KMO: variants seen among roughly 807,000 people sequenced by gnomAD.
The protein encoded by KMO is kynurenine 3-hydroxylase.
KMO carries 24 observed loss-of-function variants against 57.8 expected under a neutral mutation model. That is an observed-to-expected ratio of 0.42 (90% confidence interval 0.30 to 0.58). KMO has a LOEUF of 0.58. KMO is among the 20% of genes least tolerant of loss of function. The pLI is 0.22. For missense variants in KMO, 483 were observed against 588.2 expected, an observed-to-expected ratio of 0.82 and a Z score of 1.85; for synonymous variants, 210 against 193.6, an observed-to-expected ratio of 1.08 and a Z score of -0.70.
chr1:241,536,932 T>C (rs1660774526), intron 1 of KMO, among the ~76,000 whole-genome samples: 1 of 152,172 alleles, frequency 6.6e-6, no homozygotes. Context: ...CAGCTATAGA[T>C]GTTAAATCCT....
intron 1 of KMO, among the ~76,000 whole-genome samples, chr1:241,534,936 T>C (rs1007254032): frequency 2.6e-5 from 4 of 152,018 alleles, no homozygotes; most frequent in Non-Finnish European, 5.9e-5. Flanking sequence ...GTTAATCTTA[T>C]CTACCAGTAT....
At chr1:241,591,513 G>A (rs1266082156) in intron 14 of KMO, among the ~76,000 whole-genome samples, 2 of 152,044 alleles carry the variant, frequency 1.3e-5, no homozygotes. Flanking sequence ...ACTGTTTACA[G>A]CTGGTGTTTA....
intron 1 of KMO, among the ~76,000 whole-genome samples, chr1:241,543,629 T>C (rs1661033998): frequency 6.6e-6 from 1 of 152,188 alleles, no homozygotes; most frequent in South Asian, 2.1e-4. Flanking sequence ...TTCTCCTGTG[T>C]ATATGCCTTT....
At chr1:241,534,947 C>T (rs1040043646) in intron 1 of KMO, among the ~76,000 whole-genome samples, 1 of 151,754 alleles carries the variant, frequency 6.6e-6, no homozygotes, top group Admixed American at 6.6e-5. Flanking sequence ...CTACCAGTAT[C>T]GGAAATTACA....
intron 13 of KMO, 30 bp downstream of exon 13, chr1:241,590,143 T>C (rs778329976): frequency 1.2e-6 from 2 of 1,608,728 alleles, no homozygotes; most frequent in African/African-American, 2.7e-5. Context: ...CTTTTCCTCA[T>C]TTTGATTTTC....
At chr1:241,581,769 G>T (rs1349059187) in intron 10 of KMO, among the ~76,000 whole-genome samples, 3 of 151,988 alleles carry the variant, frequency 2.0e-5, no homozygotes, top group African/African-American at 7.2e-5. Context: ...TGATAAATGT[G>T]TCTTTTGGTC....
chr1:241,538,630 T>C (rs1325545158), intron 1 of KMO, among the ~76,000 whole-genome samples: 1 of 152,162 alleles, frequency 6.6e-6, no homozygotes, highest in Non-Finnish European at 1.5e-5. Context: ...GACCTGGGTT[T>C]CAGTTTTCTA....
At chr1:241,589,976 G>A in intron 12 of KMO, 36 bp from the exon 13 acceptor site, 1 of 1,488,662 alleles carries the variant, frequency 6.7e-7, no homozygotes, top group Non-Finnish European at 9.4e-7. Context: ...AGCTGTATTT[G>A]TTCAAAAGCG....
chr1:241,562,396 T>G lies in KMO; in HGVS notation c.615+64T>G, dbSNP rs190638950. The G allele has an allele frequency of 2.3e-5, 34 of 1,491,270 alleles. No homozygotes were observed. In the African/African-American group the frequency reaches 2.3e-4, roughly 10 times the overall value. The allele number at this position is 1,491,270 out of a possible 1,614,324, so 92.4% of individuals were successfully genotyped here. ...TTGCTCCATGAGCGCGAATGCGTAT[T>G]CTAGTGCAGTGGTTCTCAGCAGCAT... On this transcript the variant is annotated intron_variant, in intron 7 of 14. Transcript: ENST00000366559.
At chr1:241,550,850 AT>A (rs756908483) in intron 3 of KMO, 104 bp from the exon 4 acceptor site, 2 of 610,226 alleles carry the variant, frequency 3.3e-6, no homozygotes, top group Non-Finnish European at 5.6e-6. Context: ...AATTTTTAAA[AT>A]TTCTTGGAGA....
chr1:241,541,573 C>T lies in KMO; in HGVS notation c.55-7256C>T, dbSNP rs552437621. Among the ~76,000 whole-genome samples, 38 of 152,252 alleles carry T rather than the reference C, an allele frequency of 2.5e-4. 1 individual carries two copies. Among genetic ancestry groups the T allele is most frequent in the African/African-American group, 7.9e-4 (33 of 41,540 alleles). ...CTTAAGAGCACTCAGGAATGTGCATCATTCACCTTCTCATAAGAGGGAAAA... is the reference window on the plus strand; with the variant it reads ...CTTAAGAGCACTCAGGAATGTGCATTATTCACCTTCTCATAAGAGGGAAAA... On this transcript the variant is annotated intron_variant, in intron 1 of 14. Transcript: ENST00000366559.
intron 1 of KMO, among the ~76,000 whole-genome samples, chr1:241,546,344 T>A (rs1461467999): frequency 6.6e-6 from 1 of 152,212 alleles, no homozygotes; most frequent in Non-Finnish European, 1.5e-5. Flanking sequence ...CCTGTAGGCA[T>A]GGCTCCAAAT....
chr1:241,555,814 C>G, intron 5 of KMO, 154 bp downstream of exon 5: 1 of 493,736 alleles, frequency 2.0e-6, no homozygotes, highest in Non-Finnish European at 3.6e-6. Flanking sequence ...GAAGCTAGGT[C>G]TGATAGCTCA....
At chr1:241,573,324 G>A (rs1279504148) in intron 10 of KMO, among the ~76,000 whole-genome samples, 1 of 152,038 alleles carries the variant, frequency 6.6e-6, no homozygotes, top group African/African-American at 2.4e-5. Flanking sequence ...TTTGCTTTAG[G>A]AGTCTTAGCC....
At chr1:241,554,693 G>A (rs1335589639) in intron 4 of KMO, among the ~76,000 whole-genome samples, 3 of 151,536 alleles carry the variant, frequency 2.0e-5, no homozygotes, top group East Asian at 2.0e-4. Context: ...AAAAGTGGCC[G>A]GGCGCTGTGG....
chr1:241,555,480 C>T (rs534060519), intron 4 of KMO, 132 bp from the exon 5 acceptor site: 11 of 509,236 alleles, frequency 2.2e-5, no homozygotes, highest in South Asian at 1.3e-4. Flanking sequence ...GGTCACTTAG[C>T]GAAATGGTTA....
rs148160613 is a variant in KMO, at chr1:241,546,889, T to C, written c.55-1940T>C. Among the ~76,000 whole-genome samples, 58 of 152,300 alleles carry C rather than the reference T, an allele frequency of 3.8e-4. 1 individual carries two copies. Among genetic ancestry groups the C allele is most frequent in the Middle Eastern group, 3.4e-3 (1 of 294 alleles). Reference sequence around the variant, plus strand: ...GGAGAAGACAGACTTGGATGGAGATTTGAGAAACTCCAATATTTGTCCGTC... The same window carrying C: ...GGAGAAGACAGACTTGGATGGAGATCTGAGAAACTCCAATATTTGTCCGTC... On this transcript the variant is annotated intron_variant, in intron 1 of 14. Transcript: ENST00000366559.
chr1:241,549,243 A>C, intron 2 of KMO, among the ~76,000 whole-genome samples: 1 of 17,914 alleles, frequency 5.6e-5, no homozygotes, highest in African/African-American at 1.1e-4. Flanking sequence ...GAAAGAAAGA[A>C]AGAAAGAAAG....
chr1:241,554,463 G>A (rs1296554128), intron 4 of KMO, among the ~76,000 whole-genome samples: 1 of 151,694 alleles, frequency 6.6e-6, no homozygotes, highest in Non-Finnish European at 1.5e-5. Context: ...TAGTAGAGAC[G>A]GGGTTTCGCC....
Sources: gnomAD v4.1 joint callset for allele counts (sites outside exome capture counted in the v4.1 genomes callset) on GRCh38, gnomAD v4.1.1 for gene constraint, MANE v1.5 for transcripts, NCBI Gene and HGNC (gene_info 2026-07-23, HGNC 2026-07-21) for gene names.